The following CCDC91 variants were observed in gnomAD, a reference collection of about 807,000 sequenced individuals.
CCDC91 encodes coiled-coil domain containing 91.
In CCDC91, 48 loss-of-function variants were observed where a neutral mutation model predicts 63.2. That is an observed-to-expected ratio of 0.76 (90% CI 0.60 to 0.97). CCDC91 has a LOEUF of 0.97. Ranked by LOEUF, CCDC91 falls within the 50% of genes least tolerant of loss-of-function variation. The pLI is 0.00. For synonymous variants in CCDC91, 167 were observed against 165.8 expected, an observed-to-expected ratio of 1.01 and a Z score of -0.06; for missense variants, 500 against 494.6, an observed-to-expected ratio of 1.01 and a Z score of -0.10.
intron 6 of CCDC91, among the ~76,000 whole-genome samples, chr12:28,343,765 C>T (rs1010949071): frequency 2.0e-5 from 3 of 152,050 alleles, no homozygotes; most frequent in Non-Finnish European, 4.4e-5. Context: ...TTTTATAAAA[C>T]GACTTCTCTA....
At chr12:28,224,520 C>T (rs1290671100) in intron 1 of CCDC91, among the ~76,000 whole-genome samples, 1 of 151,844 alleles carries the variant, frequency 6.6e-6, no homozygotes, top group South Asian at 2.1e-4. Context: ...TTTCATTGTG[C>T]TTTGATTTTC....
intron 8 of CCDC91, among the ~76,000 whole-genome samples, chr12:28,449,852 AT>A (rs1369875068): frequency 3.3e-5 from 5 of 151,832 alleles, no homozygotes; most frequent in Non-Finnish European, 5.9e-5. Flanking sequence ...TTAGTGAGTA[AT>A]TTTTCGAAAT....
intron 1 of CCDC91, among the ~76,000 whole-genome samples, chr12:28,228,492 G>A (rs930520323): frequency 6.6e-6 from 1 of 151,962 alleles, no homozygotes; most frequent in African/African-American, 2.4e-5. Context: ...ATTACCTCAC[G>A]AATACAGAAT....
At chr12:28,344,168 T>C (rs1942640261) in intron 6 of CCDC91, among the ~76,000 whole-genome samples, 1 of 152,140 alleles carries the variant, frequency 6.6e-6, no homozygotes, top group East Asian at 1.9e-4. Flanking sequence ...AGGTAACATT[T>C]ATATAAGAAT....
chr12:28,251,518 A>G (rs1946115914), intron 1 of CCDC91, among the ~76,000 whole-genome samples: 1 of 152,096 alleles, frequency 6.6e-6, no homozygotes, highest in Non-Finnish European at 1.5e-5. Context: ...GATAGAACTA[A>G]TAGGTAGCTG....
chr12:28,334,803 C>T (rs545618407), intron 6 of CCDC91, among the ~76,000 whole-genome samples: 1 of 152,060 alleles, frequency 6.6e-6, no homozygotes, highest in African/African-American at 2.4e-5. Flanking sequence ...CACTTGGGCA[C>T]CAAACCAACC....
At chr12:28,297,896 A>G (rs563271834) in intron 3 of CCDC91, among the ~76,000 whole-genome samples, 1 of 151,852 alleles carries the variant, frequency 6.6e-6, no homozygotes, top group Non-Finnish European at 1.5e-5. Context: ...CATTTAAAAC[A>G]TGTATACCAT....
chr12:28,278,943 A>G (rs1390220282), intron 3 of CCDC91, among the ~76,000 whole-genome samples: 2 of 152,052 alleles, frequency 1.3e-5, no homozygotes, highest in African/African-American at 4.8e-5. Flanking sequence ...CATACATATT[A>G]TATAACTTAT....
rs151202161 is a variant in CCDC91 at position 28,548,750 on chromosome 12, C to A, written c.1216-313C>A. 1.5e-4 allele frequency among the ~76,000 whole-genome samples: 23 copies of A among 152,082 alleles called. 1 individual carries two copies. The East Asian group carries it at 4.3e-3, about 28-fold the overall frequency. ...TAATATATTTGTGGATGTTTGGTTG[C>A]GTATATACACTAAGAACTGGCATTT... On this transcript the variant is annotated intron_variant, in intron 12 of 12. Coordinates refer to ENST00000536442, the MANE Select transcript of CCDC91 (RefSeq NM_018318.5).
chr12:28,421,766 A>G (rs577696145), intron 8 of CCDC91, among the ~76,000 whole-genome samples: 19 of 152,060 alleles, frequency 1.2e-4, no homozygotes, highest in African/African-American at 4.3e-4. Context: ...AGGATTTTGT[A>G]CTTGCTAGCC....
chr12:28,416,228 A>G (rs1592608479), intron 8 of CCDC91, among the ~76,000 whole-genome samples: 1 of 152,084 alleles, frequency 6.6e-6, no homozygotes, highest in African/African-American at 2.4e-5. Context: ...CCCCACAACT[A>G]TTATCATTGT....
At chr12:28,459,840 A>G (rs1047785699) in intron 11 of CCDC91, among the ~76,000 whole-genome samples, 6 of 152,162 alleles carry the variant, frequency 3.9e-5, no homozygotes, top group Non-Finnish European at 7.4e-5. Context: ...TTCAAAAGAT[A>G]CCATGTTTTA....
intron 8 of CCDC91, among the ~76,000 whole-genome samples, chr12:28,403,656 C>G (rs1946766884): frequency 6.6e-6 from 1 of 152,118 alleles, no homozygotes; most frequent in South Asian, 2.1e-4. Context: ...AATTTGGAGA[C>G]ACAAACATTC....
rs568618050 is a variant in CCDC91, at chr12:28,420,304, C to T, written c.762+28893C>T. 6.6e-5 allele frequency among the ~76,000 whole-genome samples: 10 copies of T among 152,184 alleles called. No individual in the cohort carries two copies. In the South Asian group the frequency reaches 1.7e-3, roughly 25 times the overall value. ...TGAAATTTTTCTATGGCTTGAAACT[C>T]TTCTAGACAGGTTTAGATTAAATGG... On this transcript the variant is annotated intron_variant, in intron 8 of 12. Coordinates refer to ENST00000536442, the MANE Select transcript of CCDC91 (RefSeq NM_018318.5).
At chr12:28,304,937 T>C (rs1441233973) in intron 3 of CCDC91, among the ~76,000 whole-genome samples, 5 of 152,150 alleles carry the variant, frequency 3.3e-5, no homozygotes, top group Admixed American at 6.6e-5. Context: ...ATATTTGAGC[T>C]CTAATCACAA....
intron 6 of CCDC91, among the ~76,000 whole-genome samples, chr12:28,322,294 C>T (rs1359769601): frequency 6.6e-6 from 1 of 151,858 alleles, no homozygotes; most frequent in Non-Finnish European, 1.5e-5. Flanking sequence ...TGAAGAAAAG[C>T]ACCCTTCATG....
intron 8 of CCDC91, among the ~76,000 whole-genome samples, chr12:28,394,819 C>A (rs1369431019): frequency 6.6e-6 from 1 of 151,854 alleles, no homozygotes; most frequent in African/African-American, 2.4e-5. Flanking sequence ...ATGAATTGAT[C>A]CCTGGCTTTG....
At chr12:28,479,334 A>T (rs146242025) in intron 11 of CCDC91, among the ~76,000 whole-genome samples, 1 of 152,162 alleles carries the variant, frequency 6.6e-6, no homozygotes, top group African/African-American at 2.4e-5. Flanking sequence ...GAAGCTGGTA[A>T]CCATCATTCT....
chr12:28,366,539 A>G (rs1321252861), intron 7 of CCDC91, among the ~76,000 whole-genome samples: 2 of 152,210 alleles, frequency 1.3e-5, no homozygotes, highest in East Asian at 1.9e-4. Flanking sequence ...GAACTCTTCT[A>G]TCTCCTCACT....
Sources: gnomAD v4.1 joint callset for allele counts (sites outside exome capture counted in the v4.1 genomes callset) on GRCh38, gnomAD v4.1.1 for gene constraint, MANE v1.5 for transcripts, NCBI Gene and HGNC (gene_info 2026-07-23, HGNC 2026-07-21) for gene names.